The following MYOF variants were observed in gnomAD, a reference collection of about 807,000 sequenced individuals.
MYOF encodes the protein myoferlin, also known as fer-1-like 3, myoferlin.
Under a neutral mutation model 284.2 loss-of-function variants are expected in MYOF, and 244 were observed. The observed-to-expected ratio is 0.86, with a 90% CI of 0.77 to 0.95. The LOEUF is 0.95. MYOF is among the 40% of genes least tolerant of loss of function. The pLI, the probability that MYOF is intolerant of heterozygous loss-of-function variation, is 0.00. For synonymous variants in MYOF, 904 were observed against 919.7 expected (o/e 0.98, Z 0.31); for missense variants, 2,496 against 2,560.6 (o/e 0.97, Z 0.54).
chr10:93,409,776 C>G (rs1283084436), intron 5 of MYOF, 37 bp from the exon 6 acceptor site: 1 of 1,604,430 alleles, frequency 6.2e-7, no homozygotes, highest in Non-Finnish European at 8.5e-7. Flanking sequence ...AGGGATAGCC[C>G]TTATCCTGTA....
chr10:93,373,915 G>C (rs1327062618), intron 23 of MYOF, among the ~76,000 whole-genome samples: 1 of 152,068 alleles, frequency 6.6e-6, no homozygotes, highest in Non-Finnish European at 1.5e-5. Context: ...CAATGTGCAG[G>C]TTTGTTACAT....
At chr10:93,426,884 CTTTTTTTT>C (rs1169014883) in intron 4 of MYOF, among the ~76,000 whole-genome samples, 3 of 104,756 alleles carry the variant, frequency 2.9e-5, no homozygotes, top group South Asian at 3.7e-4. Context: ...ACGAGACTGT[CTTTTTTTT>C]TTTTTTTTTT....
In MYOF at chr10:93,364,011, G is replaced by A. The variant is rs781172109; in HGVS notation, c.2818C>T (p.Arg940Cys). The A allele has an allele frequency of 7.4e-6, 12 of 1,614,052 alleles. No individual in the cohort carries two copies. Among genetic ancestry groups the A allele is most frequent in the Admixed American group, 3.3e-5 (2 of 59,994 alleles). ...GGCTTCCAGTCGCCCCCGGGGTAGC[G>A]GCTCTCGTTCTGATAGACTTCATCA... The part of the protein sequence containing the change: ...FTDEVYQNES[R>C]YPGGDWKPAE... Residue 940 changes from arginine (R) to cysteine (C), a missense_variant, in exon 27 of 54, where the codon CGC becomes TGC. Transcript: ENST00000359263.
chr10:93,339,367 TTGTG>T (rs35070199), intron 39 of MYOF, among the ~76,000 whole-genome samples: 15,193 of 150,184 alleles, frequency 0.1, 2,123 homozygotes, highest in African/African-American at 0.32. Flanking sequence ...TGCTTCTTAT[TTGTG>T]TGTGTGTGTG....
At chr10:93,353,681 C>A in intron 32 of MYOF, 130 bp downstream of exon 32, 1 of 669,214 alleles carries the variant, frequency 1.5e-6, no homozygotes, top group Non-Finnish European at 2.5e-6. Context: ...TTGCTTCAAG[C>A]ATGCAAAAAT....
At chr10:93,356,653 G>A (rs371467077) in intron 30 of MYOF, 22 bp downstream of exon 30, 55 of 1,605,594 alleles carry the variant, frequency 3.4e-5, no homozygotes, top group East Asian at 1.8e-4. Flanking sequence ...TATGATCTGC[G>A]CTCTGGCAAC....
At chr10:93,362,486 C>T (rs1032193303) in intron 27 of MYOF, among the ~76,000 whole-genome samples, 1 of 152,106 alleles carries the variant, frequency 6.6e-6, no homozygotes, top group African/African-American at 2.4e-5. Flanking sequence ...CTTCAGCGAT[C>T]CACCCACCTC....
At chr10:93,345,094 G>C (rs776974383) in intron 37 of MYOF, among the ~76,000 whole-genome samples, 3 of 152,186 alleles carry the variant, frequency 2.0e-5, no homozygotes, top group Non-Finnish European at 4.4e-5. Context: ...AACCTAGACA[G>C]AACAAACTCT....
intron 53 of MYOF, among the ~76,000 whole-genome samples, chr10:93,307,605 C>G (rs1842175306): frequency 6.6e-6 from 1 of 151,058 alleles, no homozygotes; most frequent in Non-Finnish European, 1.5e-5. Context: ...CTGCAGTAAC[C>G]ACTGGTTTAA....
intron 2 of MYOF, among the ~76,000 whole-genome samples, chr10:93,452,560 T>TG (rs1170262786): frequency 4.7e-5 from 3 of 63,752 alleles, no homozygotes; most frequent in Non-Finnish European, 8.4e-5. Context: ...CGTTGTGGGG[T>TG]GGGGGGAGGG....
intron 3 of MYOF, among the ~76,000 whole-genome samples, chr10:93,451,231 T>C (rs1017022306): frequency 1.3e-5 from 2 of 152,002 alleles, no homozygotes; most frequent in East Asian, 3.9e-4. Flanking sequence ...TTCCAGCTAC[T>C]TGGGAGGCTG....
At chr10:93,480,589 C>T (rs11187454) in intron 1 of MYOF, among the ~76,000 whole-genome samples, 26,568 of 150,730 alleles carry the variant, frequency 0.18, 2,685 homozygotes, top group East Asian at 0.52. Flanking sequence ...AATCCTCCTG[C>T]CTCAGCCTCC....
At chr10:93,456,724 T>C (rs2056752676) in intron 2 of MYOF, among the ~76,000 whole-genome samples, 158 bp downstream of exon 2, 1 of 152,196 alleles carries the variant, frequency 6.6e-6, no homozygotes, top group African/African-American at 2.4e-5. Context: ...CTCCTTGAAC[T>C]GCTCTGCTCT....
At chr10:93,374,720 T>C in intron 23 of MYOF, 43 bp downstream of exon 23, 1 of 1,579,706 alleles carries the variant, frequency 6.3e-7, no homozygotes, top group Non-Finnish European at 8.6e-7. Flanking sequence ...CGCAGAGCCC[T>C]TCTTCCATAT....
chr10:93,366,177 T>A (rs1845317809), intron 26 of MYOF, among the ~76,000 whole-genome samples: 1 of 151,982 alleles, frequency 6.6e-6, no homozygotes, highest in Middle Eastern at 3.2e-3. Context: ...TCAAGCATAA[T>A]AATTTCTCAA....
At chr10:93,437,219 A>C (rs1239388764) in intron 3 of MYOF, among the ~76,000 whole-genome samples, 1 of 152,194 alleles carries the variant, frequency 6.6e-6, no homozygotes, top group Non-Finnish European at 1.5e-5. Flanking sequence ...TAAACCAGTC[A>C]ACTTAGTCTT....
At chr10:93,422,485 C>G (rs752303907) in intron 5 of MYOF, among the ~76,000 whole-genome samples, 35 of 152,138 alleles carry the variant, frequency 2.3e-4, no homozygotes, top group Admixed American at 1.6e-3. Flanking sequence ...GGGATTTTCT[C>G]GCCAGCAGGT....
intron 3 of MYOF, among the ~76,000 whole-genome samples, chr10:93,447,606 A>T (rs1160297836): frequency 1.3e-5 from 2 of 152,144 alleles, no homozygotes; most frequent in Non-Finnish European, 2.9e-5. Flanking sequence ...TATAAAACAA[A>T]TCTAGCCCCT....
At chr10:93,385,322 C>G (rs1189541727) in intron 19 of MYOF, among the ~76,000 whole-genome samples, 1 of 152,126 alleles carries the variant, frequency 6.6e-6, no homozygotes, top group Non-Finnish European at 1.5e-5. Context: ...CTGCTGCATC[C>G]CTCCTGCACT....
Sources: gnomAD v4.1 joint callset for allele counts (sites outside exome capture counted in the v4.1 genomes callset) on GRCh38, gnomAD v4.1.1 for gene constraint, MANE v1.5 for transcripts, NCBI Gene and HGNC (gene_info 2026-07-23, HGNC 2026-07-21) for gene names.